The following INO80D variants were observed in gnomAD, a reference collection of about 807,000 sequenced individuals.
INO80D encodes INO80 complex subunit D.
In INO80D, 21 loss-of-function variants were observed where a neutral mutation model predicts 87.6. That is an observed-to-expected ratio of 0.24 (90% CI 0.17 to 0.35). The LOEUF (loss-of-function observed/expected upper bound fraction) is 0.35. INO80D is among the 10% of genes least tolerant of loss of function. The pLI is 1.00. For synonymous variants in INO80D, 440 were observed against 491.0 expected (o/e 0.90, Z 1.37); for missense variants, 982 against 1,280.7 (o/e 0.77, Z 3.56).
At chr2:206,071,915 T>C (rs1689982771) in intron 1 of INO80D, among the ~76,000 whole-genome samples, 2 of 152,028 alleles carry the variant, frequency 1.3e-5, no homozygotes, top group African/African-American at 4.8e-5. Flanking sequence ...GGTGGGGTGA[T>C]AATTTAGGCT....
intron 6 of INO80D, 117 bp from the exon 7 acceptor site, chr2:206,019,962 C>T: frequency 1.7e-6 from 1 of 604,130 alleles, no homozygotes; most frequent in Non-Finnish European, 2.9e-6. Context: ...ATAACATCTA[C>T]AGTCACTAAA....
intron 1 of INO80D, among the ~76,000 whole-genome samples, chr2:206,078,675 G>C (rs192394088): frequency 2.6e-5 from 4 of 151,900 alleles, no homozygotes; most frequent in African/African-American, 9.7e-5. Flanking sequence ...AGCCAGGCGC[G>C]GTGGCTCACG....
intron 1 of INO80D, among the ~76,000 whole-genome samples, chr2:206,071,318 T>C (rs1689965348): frequency 1.0e-5 from 1 of 99,742 alleles, no homozygotes; most frequent in African/African-American, 4.1e-5. Flanking sequence ...TTTTTTTTTT[T>C]TAAGAGATGA....
chr2:206,061,460 A>G (rs1689688831), intron 3 of INO80D, among the ~76,000 whole-genome samples: 2 of 152,248 alleles, frequency 1.3e-5, no homozygotes, highest in Non-Finnish European at 2.9e-5. Flanking sequence ...ATCCAAGCTC[A>G]TCCATTCTTC....
At chr2:206,045,724 A>C (rs567765271) in intron 5 of INO80D, among the ~76,000 whole-genome samples, 80 of 152,298 alleles carry the variant, frequency 5.3e-4, no homozygotes, top group Non-Finnish European at 7.8e-4. Context: ...CTAAAAAAAA[A>C]AAAAATTGTA....
intron 4 of INO80D, among the ~76,000 whole-genome samples, chr2:206,053,426 G>A (rs188415565): frequency 1.2e-4 from 19 of 152,204 alleles, no homozygotes; most frequent in Non-Finnish European, 2.2e-4. Context: ...ATATATCAAG[G>A]TATTAACAAA....
Position 206,063,256 on chromosome 2 carries a change from T to C in INO80D, c.-123-12A>G, listed in dbSNP as rs1243704558. The C allele has an allele frequency of 1.9e-6, 1 of 539,386 alleles. No homozygotes were observed. The highest frequency in any genetic ancestry group is 3.2e-6 in the Non-Finnish European group (1 of 313,272). 33.4% of individuals were successfully genotyped at this position (539,386 alleles called of 1,614,324 possible). A position where few individuals can be genotyped will look rare whatever the true frequency, so the allele number is the denominator to read the frequency against. ...ATGAAGCAGATTGTCTATAAAAATA[T>C]CAAAAGGCCTAGTTAACAAACAGAA... On this transcript the variant is annotated splice_polypyrimidine_tract_variant and intron_variant, in intron 1 of 10. Coordinates refer to ENST00000403263, the MANE Select transcript of INO80D (RefSeq NM_017759.5).
At chr2:206,029,212 TG>T (rs1688700132) in intron 5 of INO80D, among the ~76,000 whole-genome samples, 2 of 152,130 alleles carry the variant, frequency 1.3e-5, no homozygotes, top group African/African-American at 4.8e-5. Context: ...TTTTTAACTA[TG>T]GAAGTATCCT....
At chr2:206,074,036 T>C (rs1161132130) in intron 1 of INO80D, among the ~76,000 whole-genome samples, 1 of 151,922 alleles carries the variant, frequency 6.6e-6, no homozygotes, top group Non-Finnish European at 1.5e-5. Flanking sequence ...ACATGATGAA[T>C]ATCACTTTAA....
At chr2:206,051,258 T>G (rs1689360301) in intron 4 of INO80D, among the ~76,000 whole-genome samples, 1 of 151,942 alleles carries the variant, frequency 6.6e-6, no homozygotes, top group African/African-American at 2.4e-5. Flanking sequence ...AGACGGGGTC[T>G]CAGCTCTGTC....
At chr2:206,007,154 A>G (rs1198425053) in intron 10 of INO80D, 130 bp downstream of exon 10, 3 of 761,730 alleles carry the variant, frequency 3.9e-6, no homozygotes, top group Non-Finnish European at 6.4e-6. Flanking sequence ...CAGTGGCATT[A>G]TATTTCCTAT....
intron 4 of INO80D, among the ~76,000 whole-genome samples, chr2:206,047,110 A>G (rs1278517220): frequency 1.3e-5 from 2 of 152,128 alleles, no homozygotes; most frequent in African/African-American, 4.8e-5. Context: ...CATTACAACA[A>G]AAAGGCTAAG....
chr2:206,079,923 A>G (rs1403377937), intron 1 of INO80D, among the ~76,000 whole-genome samples: 2 of 152,202 alleles, frequency 1.3e-5, no homozygotes, highest in African/African-American at 4.8e-5. Context: ...TCCTACTTAC[A>G]GGTCACACCT....
At chr2:206,068,350 T>C (rs1423579415) in intron 1 of INO80D, among the ~76,000 whole-genome samples, 2 of 152,196 alleles carry the variant, frequency 1.3e-5, no homozygotes, top group African/African-American at 2.4e-5. Context: ...TCCTCCCGCT[T>C]TGGCCTTCCA....
chr2:206,085,275 C>G lies in INO80D; in HGVS notation c.-124+626G>C, dbSNP rs1286131596. On this transcript the variant is annotated intron_variant, in intron 1 of 10. Coordinates refer to ENST00000403263, the MANE Select transcript of INO80D (RefSeq NM_017759.5). This position sits in a 1 kb window ranked among gnomAD's most constrained non-coding sequence, Gnocchi z 4.5. ...CCGCCCCGCCCCGCCCCGGCCTGGC[C>G]GTCCGGAGCGCGGAGGAGGGGGATA... Among the ~76,000 whole-genome samples, 2 of 151,688 alleles carry G rather than the reference C, an allele frequency of 1.3e-5. No individual in the cohort carries two copies. The highest frequency in any genetic ancestry group is 2.9e-5 in the Non-Finnish European group (2 of 67,822).
intron 6 of INO80D, among the ~76,000 whole-genome samples, chr2:206,021,237 CTAAT>C (rs1439217965): frequency 6.6e-6 from 1 of 152,152 alleles, no homozygotes; most frequent in African/African-American, 2.4e-5. Flanking sequence ...ATTATTGACA[CTAAT>C]TAGGTAAGGC....
intron 5 of INO80D, among the ~76,000 whole-genome samples, chr2:206,033,950 G>A (rs1688830912): frequency 6.6e-6 from 1 of 152,050 alleles, no homozygotes; most frequent in South Asian, 2.1e-4. Context: ...GATCATTCAA[G>A]GCTACTATGA....
In INO80D at chr2:205,999,227, A is replaced by C. The variant is rs1212088133; in HGVS notation, c.*5141T>G. ...CAAACGAAGAAAAAAGAAACAAGTG[A>C]AAGAAGAGGATTCTATGACTCTTCG... On this transcript the variant is annotated 3_prime_UTR_variant, in exon 11 of 11. Transcript: ENST00000403263. The C allele has an allele frequency of 6.6e-6, 1 of 152,430 alleles. No individual in the cohort carries two copies. The highest frequency in any genetic ancestry group is 1.9e-4 in the East Asian group (1 of 5,206). 9.4% of individuals were successfully genotyped at this position (152,430 alleles called of 1,614,324 possible).
chr2:206,021,339 T>A (rs1688458729), intron 6 of INO80D, among the ~76,000 whole-genome samples: 1 of 152,176 alleles, frequency 6.6e-6, no homozygotes, highest in South Asian at 2.1e-4. Flanking sequence ...GTAAACACTG[T>A]TTATATGTCC....
Sources: allele counts gnomAD v4.1 joint callset (sites outside exome capture counted in the v4.1 genomes callset), GRCh38; gene constraint gnomAD v4.1.1; non-coding constraint Gnocchi (gnomAD v3.1); transcripts MANE v1.5; gene names NCBI Gene and HGNC (gene_info 2026-07-23, HGNC 2026-07-21).